Variants in SCHIP1 observed in about 807,000 individuals in gnomAD.
SCHIP1 encodes the protein schwannomin-interacting protein 1.
Under a neutral mutation model 29.7 loss-of-function variants are expected in SCHIP1, and 8 were observed. The ratio of observed to expected loss-of-function variants is 0.27; its 90% confidence interval spans 0.16 to 0.49. The LOEUF (loss-of-function observed/expected upper bound fraction) is 0.49, where lower values mean the gene tolerates loss of function less well. SCHIP1 is among the 20% of genes least tolerant of loss of function. SCHIP1 has a pLI of 0.99. For synonymous variants in SCHIP1, 76 were observed against 94.9 expected (o/e 0.80, Z 1.16); for missense variants, 193 against 294.6 (o/e 0.66, Z 2.52).
At chr3:159,490,892 A>G in the SCHIP1 span, among the ~76,000 whole-genome samples, 1 of 152,206 alleles carries the variant, frequency 6.6e-6, no homozygotes, top group African/African-American at 2.4e-5. Flanking sequence ...TACACCAAGA[A>G]GTTTAGAATC....
the SCHIP1 span, among the ~76,000 whole-genome samples, chr3:159,633,885 T>C: frequency 1.3e-5 from 2 of 152,192 alleles, no homozygotes; most frequent in Non-Finnish European, 2.9e-5. Flanking sequence ...AGAGGGTTTT[T>C]TGAAATATTT....
At chr3:159,705,081 A>G in the SCHIP1 span, among the ~76,000 whole-genome samples, 1 of 150,606 alleles carries the variant, frequency 6.6e-6, no homozygotes, top group Non-Finnish European at 1.5e-5. Context: ...CTCCTGCCTC[A>G]GCCTCCTGAG....
the SCHIP1 span, among the ~76,000 whole-genome samples, chr3:159,503,676 G>T: frequency 1.3e-4 from 20 of 152,188 alleles, no homozygotes; most frequent in African/African-American, 4.8e-4. Flanking sequence ...GGATAACTGA[G>T]AATTCTACCA....
At chr3:159,273,702 A>G in the SCHIP1 span, 5 of 1,502,218 alleles carry the variant, frequency 3.3e-6, no homozygotes, top group Middle Eastern at 1.7e-4. Context: ...TGTGTGTTAT[A>G]GAAATTTTTT....
chr3:159,509,499 A>G, the SCHIP1 span, among the ~76,000 whole-genome samples: 1 of 152,014 alleles, frequency 6.6e-6, no homozygotes, highest in Non-Finnish European at 1.5e-5. Flanking sequence ...TGTGAATTTG[A>G]TCCTGTCATT....
the SCHIP1 span, among the ~76,000 whole-genome samples, chr3:159,521,931 T>G: frequency 6.6e-6 from 1 of 152,256 alleles, no homozygotes; most frequent in South Asian, 2.1e-4. Flanking sequence ...TTTGTTCACA[T>G]GTACTTTCCA....
the SCHIP1 span, chr3:159,722,459 G>A: frequency 9.2e-5 from 14 of 152,164 alleles, no homozygotes; most frequent in African/African-American, 2.9e-4. Context: ...ATTTCTTCTC[G>A]AGGCATCTCA....
chr3:159,701,408 T>C, the SCHIP1 span, among the ~76,000 whole-genome samples: 1 of 152,296 alleles, frequency 6.6e-6, no homozygotes, highest in Non-Finnish European at 1.5e-5. Context: ...TTTTAAACCA[T>C]GAGTTTTTAG....
chr3:159,300,870 T>G, the SCHIP1 span, among the ~76,000 whole-genome samples: 3 of 152,154 alleles, frequency 2.0e-5, no homozygotes, highest in Non-Finnish European at 4.4e-5. Context: ...CCAAATCACC[T>G]CCTCCTTAAA....
At chr3:159,662,133 G>T in the SCHIP1 span, among the ~76,000 whole-genome samples, 3 of 152,032 alleles carry the variant, frequency 2.0e-5, no homozygotes, top group African/African-American at 7.2e-5. Flanking sequence ...CTGCCAAACT[G>T]CTCACGCTGC....
chr3:159,435,364 A>G, the SCHIP1 span, among the ~76,000 whole-genome samples: 1 of 152,254 alleles, frequency 6.6e-6, no homozygotes, highest in Non-Finnish European at 1.5e-5. Context: ...CCAAACAACC[A>G]TATCAAAGTA....
the SCHIP1 span, among the ~76,000 whole-genome samples, chr3:159,527,721 T>C: frequency 7.2e-5 from 11 of 152,352 alleles, no homozygotes; most frequent in African/African-American, 2.4e-4. Flanking sequence ...ATTATGCTAA[T>C]TTGCATTTGG....
At chr3:159,369,230 G>A in the SCHIP1 span, among the ~76,000 whole-genome samples, 9 of 152,008 alleles carry the variant, frequency 5.9e-5, no homozygotes, top group African/African-American at 2.2e-4. Context: ...CTATTCCTCT[G>A]TTGAAATTTC....
the SCHIP1 span, among the ~76,000 whole-genome samples, chr3:159,276,043 C>T: frequency 2.0e-5 from 3 of 152,148 alleles, no homozygotes; most frequent in Non-Finnish European, 4.4e-5. Context: ...AGTTAGGATG[C>T]TTTGCAGGGT....
At chr3:159,439,487 A>C in the SCHIP1 span, among the ~76,000 whole-genome samples, 1 of 152,146 alleles carries the variant, frequency 6.6e-6, no homozygotes, top group Non-Finnish European at 1.5e-5. Flanking sequence ...CCCATGATTC[A>C]ATTACCTCCA....
the SCHIP1 span, among the ~76,000 whole-genome samples, chr3:159,649,174 A>G: frequency 1.3e-5 from 2 of 152,148 alleles, no homozygotes; most frequent in South Asian, 4.2e-4. Flanking sequence ...ATTTGCTTCC[A>G]TTGCTTTGTA....
chr3:159,277,224 T>C, the SCHIP1 span, among the ~76,000 whole-genome samples: 4 of 152,300 alleles, frequency 2.6e-5, no homozygotes, highest in East Asian at 7.7e-4. Flanking sequence ...CTGTGTAGAA[T>C]ACAATGTTGG....
rs980045884 is a variant in SCHIP1 at position 159,853,932 on chromosome 3, T to A, written c.31-12231T>A. 3.9e-5 allele frequency among the ~76,000 whole-genome samples: 6 copies of A among 152,074 alleles called. No homozygotes were observed. In the East Asian group the frequency reaches 1.2e-3, roughly 29 times the overall value. On this transcript the variant is annotated intron_variant, in intron 1 of 6. Coordinates refer to ENST00000445224, the Ensembl canonical transcript of SCHIP1. ...TATCTGTTCATCTTTTCCCTGCCCT[T>A]TTTTTTGAAAGTCAGTAAATATATT... is the stretch of plus-strand genomic sequence containing the variant.
At chr3:159,379,714 A>C in the SCHIP1 span, among the ~76,000 whole-genome samples, 3 of 152,318 alleles carry the variant, frequency 2.0e-5, no homozygotes, top group Admixed American at 1.3e-4. Context: ...TATGGACACC[A>C]TAGTGGCAAT....
Sources: allele counts gnomAD v4.1 joint callset (sites outside exome capture counted in the v4.1 genomes callset), GRCh38; gene constraint gnomAD v4.1.1; transcripts MANE v1.5; gene names NCBI Gene and HGNC (gene_info 2026-07-23, HGNC 2026-07-21).